ZNF431: variants seen among roughly 807,000 people sequenced by gnomAD.
The protein encoded by ZNF431 is zinc finger protein 431.
Under a neutral mutation model 57.0 loss-of-function variants are expected in ZNF431, and 34 were observed. That is an observed-to-expected ratio of 0.60 (90% CI 0.45 to 0.79). The LOEUF is 0.79. ZNF431 is among the 30% of genes least tolerant of loss of function. The pLI, the probability that ZNF431 is intolerant of heterozygous loss-of-function variation, is 0.00. For missense variants in ZNF431, 607 were observed against 667.1 expected, an observed-to-expected ratio of 0.91 and a Z score of 0.99; for synonymous variants, 207 against 220.3, an observed-to-expected ratio of 0.94 and a Z score of 0.54.
At position 21,183,382 on chromosome 19, in the gene ZNF431, C is replaced by G; in HGVS notation, c.1079C>G (p.Thr360Ser). 1 of 1,613,566 alleles carries G rather than the reference C, an allele frequency of 6.2e-7. No individual in the cohort carries two copies. Among genetic ancestry groups the G allele is most frequent in the Non-Finnish European group, 8.5e-7 (1 of 1,179,748 alleles). ...GCTTTTAATCGATTCTCATACCTTA[C>G]TAAACATAAGATAATTCATACTGGA... ...DKAFNRFSYL[T>S]KHKIIHTGEK... The change falls in exon 5 of 5, where the codon ACT (threonine) becomes AGT (serine). Residue 360 changes from threonine to serine, a missense_variant. Physicochemically the swap from Thr to Ser is moderately conservative, Grantham distance 58. Coordinates refer to ENST00000311048, the MANE Select transcript of ZNF431 (RefSeq NM_133473.4).
In ZNF431 at chr19:21,187,287, A is replaced by G. The variant is rs1971396188; in HGVS notation, c.*3253A>G. On this transcript the variant is annotated 3_prime_UTR_variant, in exon 5 of 5. Coordinates refer to ENST00000311048, the MANE Select transcript of ZNF431 (RefSeq NM_133473.4). ...GAAACCCAGTCTCTACTAAAACTAC[A>G]AAAATAGCCAGGCATGGTGGTGGGT... 1 of 152,124 alleles carries G rather than the reference A, an allele frequency of 6.6e-6. No homozygotes were observed. The allele number at this position is 152,124 out of a possible 1,614,324, so 9.4% of individuals were successfully genotyped here.
At position 21,189,156 on chromosome 19, in the gene ZNF431, T is replaced by G. The variant is rs1399343177; in HGVS notation, c.*5122T>G. 1 of 152,168 alleles carries G rather than the reference T, an allele frequency of 6.6e-6. No individual in the cohort carries two copies. Among genetic ancestry groups the G allele is most frequent in the Non-Finnish European group, 1.5e-5 (1 of 68,028 alleles). The allele number at this position is 152,168 out of a possible 1,614,324, so 9.4% of individuals were successfully genotyped here. ...AGAACGTAATATTTTGAAGTATATA[T>G]ATAGTTAAATTATTATTTCTAGGTA... is the stretch of plus-strand genomic sequence containing the variant. On this transcript the variant is annotated 3_prime_UTR_variant, in exon 5 of 5. Coordinates refer to ENST00000311048, the MANE Select transcript of ZNF431 (RefSeq NM_133473.4).
chr19:21,143,576 C>A lies in ZNF431; in HGVS notation c.29C>A (p.Pro10His), dbSNP rs748763051. 8 of 1,613,728 alleles carry A rather than the reference C, an allele frequency of 5.0e-6. No homozygotes were observed. The highest frequency in any genetic ancestry group is 5.9e-6 in the Non-Finnish European group (7 of 1,179,780). The change falls in exon 2 of 5, where the codon CCT (proline) becomes CAT (histidine). Residue 10 changes from proline (P) to histidine (H), a missense_variant. Pro to His is a moderately conservative substitution (Grantham distance 77, BLOSUM62 -2). Coordinates refer to ENST00000311048, the MANE Select transcript of ZNF431 (RefSeq NM_133473.4). The stretch of plus-strand genomic sequence containing the variant: ...GACGACTTGAAATATGGAGTGTATC[C>A]TCTCAAGGAAGCAAGTGGATGCCCT... Reference protein sequence around the residue: MDDLKYGVYPLKEASGCPGA... With the variant: MDDLKYGVYHLKEASGCPGA...
intron 2 of ZNF431, among the ~76,000 whole-genome samples, chr19:21,154,665 A>C (rs1197548527): frequency 1.3e-5 from 2 of 151,948 alleles, no homozygotes; most frequent in Non-Finnish European, 1.5e-5. Context: ...ATTTCTCCAC[A>C]TCCTCTCCAG....
intron 2 of ZNF431, among the ~76,000 whole-genome samples, chr19:21,151,958 G>A (rs922135130): frequency 1.3e-5 from 2 of 152,224 alleles, no homozygotes; most frequent in Non-Finnish European, 2.9e-5. Context: ...CCAGGCTTCT[G>A]GGTTCCATTT....
rs142355676 is a variant in ZNF431, at chr19:21,167,611, G to A, written c.264G>A (p.Glu88=). 695 of 1,588,512 alleles carry A rather than the reference G, an allele frequency of 4.4e-4. 3 individuals are homozygous for A. Among genetic ancestry groups the A allele is most frequent in the Non-Finnish European group, 7.3e-5 (85 of 1,167,162 alleles). ...VSKQDPVTCL[E]QEKEPWNMKR... Reference sequence around the variant, plus strand: ...AGCAAGACCCAGTCACCTGTCTGGAGCAAGAAAAAGAGCCCTGGAATATGA... The same window carrying A: ...AGCAAGACCCAGTCACCTGTCTGGAACAAGAAAAAGAGCCCTGGAATATGA... The change falls in exon 4 of 5, where the codon GAG becomes GAA. Residue 88 remains glutamate (E), a synonymous_variant. Transcript: ENST00000311048.
Position 21,142,093 on chromosome 19 carries a change from T to G in ZNF431, c.-91T>G. ...CTCCCCTTCGCTGCTCTGTGTCCTCTGCTCCTAGAGGCCCAACATCTGTGG... is the reference window on the plus strand; with the variant it reads ...CTCCCCTTCGCTGCTCTGTGTCCTCGGCTCCTAGAGGCCCAACATCTGTGG... On this transcript the variant is annotated 5_prime_UTR_variant, in exon 1 of 5. Transcript: ENST00000311048. 1 of 1,558,396 alleles carries G rather than the reference T, an allele frequency of 6.4e-7. No individual in the cohort carries two copies. Among genetic ancestry groups the G allele is most frequent in the Non-Finnish European group, 8.8e-7 (1 of 1,132,452 alleles).
At chr19:21,172,317 A>G (rs180835000) in intron 4 of ZNF431, among the ~76,000 whole-genome samples, 1 of 151,274 alleles carries the variant, frequency 6.6e-6, no homozygotes, top group East Asian at 2.0e-4. Flanking sequence ...AATTTGAGCT[A>G]TACAGGAGAC....
At chr19:21,148,257 A>G (rs949631385) in intron 2 of ZNF431, among the ~76,000 whole-genome samples, 1 of 152,164 alleles carries the variant, frequency 6.6e-6, no homozygotes, top group Non-Finnish European at 1.5e-5. Context: ...GGCCTCCCAA[A>G]GTGCTGAGAT....
At chr19:21,150,274 GC>G in intron 2 of ZNF431, 1 of 488,574 alleles carries the variant, frequency 2.0e-6, no homozygotes, top group Non-Finnish European at 3.9e-6. Context: ...ATATAGTGGG[GC>G]CATTTCGGGT....
chr19:21,181,430 A>G (rs746371596), intron 4 of ZNF431, among the ~76,000 whole-genome samples: 7 of 152,066 alleles, frequency 4.6e-5, no homozygotes, highest in Non-Finnish European at 1.0e-4. Flanking sequence ...CTGGCCTGCA[A>G]AGTTTTTGTT....
intron 2 of ZNF431, among the ~76,000 whole-genome samples, chr19:21,147,676 G>A (rs985146890): frequency 1.1e-4 from 16 of 151,548 alleles, no homozygotes; most frequent in African/African-American, 3.9e-4. Context: ...TTTATGTAAC[G>A]ATTGTGATTA....
chr19:21,142,144 A>G lies in ZNF431; in HGVS notation c.-40A>G. ...CCCTGTGACCTGCAGGTATTGGGAGACCCACAGCTAAGACACCGGGACCCC... is the reference window on the plus strand; with the variant it reads ...CCCTGTGACCTGCAGGTATTGGGAGGCCCACAGCTAAGACACCGGGACCCC... On this transcript the variant is annotated 5_prime_UTR_variant, in exon 1 of 5. Coordinates refer to ENST00000311048, the MANE Select transcript of ZNF431 (RefSeq NM_133473.4). 6.2e-7 allele frequency: 1 copy of G among 1,611,694 alleles called. No homozygotes were observed. The highest frequency in any genetic ancestry group is 8.5e-7 in the Non-Finnish European group (1 of 1,178,552).
intron 2 of ZNF431, among the ~76,000 whole-genome samples, chr19:21,152,404 C>G (rs1204708419): frequency 6.6e-6 from 1 of 152,074 alleles, no homozygotes; most frequent in African/African-American, 2.4e-5. Flanking sequence ...TAAGTTTTCC[C>G]TTTTGGACAA....
rs1971586655 is a variant in ZNF431, at chr19:21,195,353, C to A, written c.*11319C>A. On this transcript the variant is annotated 3_prime_UTR_variant, in exon 5 of 5. Transcript: ENST00000311048. ...GAATTGGCTGATGTAACCAAAATGC[C>A]AGCTCTTGCCATCTAACTACCATTA... is the stretch of plus-strand genomic sequence containing the variant. 1 of 152,174 alleles carries A rather than the reference C, an allele frequency of 6.6e-6. No homozygotes were observed. Among genetic ancestry groups the A allele is most frequent in the Non-Finnish European group, 1.5e-5 (1 of 68,036 alleles). 9.4% of individuals were successfully genotyped at this position (152,174 alleles called of 1,614,324 possible).
In ZNF431 at chr19:21,189,405, T is replaced by G. The variant is rs1599630023; in HGVS notation, c.*5371T>G. 6.6e-6 allele frequency: 1 copy of G among 151,860 alleles called. No individual in the cohort carries two copies. Among genetic ancestry groups the G allele is most frequent in the Admixed American group, 6.6e-5 (1 of 15,220 alleles). The allele number at this position is 151,860 out of a possible 1,614,324, so 9.4% of individuals were successfully genotyped here. ...GGCTAAGGCAGGAAAATGGCTCAAA[T>G]CTGGGAGGTGGTTGTTGCAGGGAGC... is the stretch of plus-strand genomic sequence containing the variant. On this transcript the variant is annotated 3_prime_UTR_variant, in exon 5 of 5. Transcript: ENST00000311048.
intron 2 of ZNF431, among the ~76,000 whole-genome samples, chr19:21,159,882 T>C (rs1970525004): frequency 1.3e-5 from 2 of 152,216 alleles, no homozygotes; most frequent in South Asian, 2.1e-4. Flanking sequence ...TTTGTTGCTG[T>C]TGTTATTGTT....
chr19:21,175,414 C>CT (rs1467629352), intron 4 of ZNF431: 8 of 695,504 alleles, frequency 1.2e-5, no homozygotes, highest in East Asian at 2.7e-5. Context: ...TATTGTTGTT[C>CT]TTTTTTTAAG....
intron 2 of ZNF431, chr19:21,149,975 A>G (rs904855589): frequency 1.5e-5 from 9 of 588,620 alleles, no homozygotes; most frequent in East Asian, 3.6e-5. Context: ...ATCATGCGCA[A>G]TCACCACCAG....
Sources: gnomAD v4.1 joint callset for allele counts (sites outside exome capture counted in the v4.1 genomes callset) on GRCh38, gnomAD v4.1.1 for gene constraint, MANE v1.5 for transcripts, NCBI Gene and HGNC (gene_info 2026-07-23, HGNC 2026-07-21) for gene names.